Variants in RIMS1 observed in about 807,000 individuals in gnomAD.
RIMS1 encodes the protein regulating synaptic membrane exocytosis 1.
A neutral mutation model predicts 214.1 loss-of-function variants in RIMS1; 83 were observed. The observed-to-expected ratio is 0.39, with a 90% CI of 0.32 to 0.47. The LOEUF is 0.47. Ranked by LOEUF, RIMS1 falls within the 20% of genes least tolerant of loss-of-function variation. The pLI, the probability that RIMS1 is intolerant of heterozygous loss-of-function variation, is 0.99. For synonymous variants in RIMS1, 793 were observed against 786.8 expected (o/e 1.01, Z -0.13); for missense variants, 2,050 against 2,161.8 (o/e 0.95, Z 1.03).
At chr6:72,379,146 T>C (rs1487287950) in intron 29 of RIMS1, among the ~76,000 whole-genome samples, 2 of 152,252 alleles carry the variant, frequency 1.3e-5, no homozygotes, top group South Asian at 2.1e-4. Context: ...ATTTAGAATA[T>C]TATCTTCTGT....
chr6:72,184,013 ACTGTAATAATTT>A (rs2048751895), intron 6 of RIMS1, among the ~76,000 whole-genome samples: 1 of 152,232 alleles, frequency 6.6e-6, no homozygotes, highest in Non-Finnish European at 1.5e-5. Flanking sequence ...ATACTGTATT[ACTGTAATAATTT>A]CCTTAGCCTC....
chr6:71,938,304 T>C (rs1785042140), intron 1 of RIMS1, among the ~76,000 whole-genome samples: 1 of 152,152 alleles, frequency 6.6e-6, no homozygotes, highest in Admixed American at 6.5e-5. Context: ...TGAGGTGGCC[T>C]TGCTTTCATG....
At chr6:71,938,060 A>C (rs1398938552) in intron 1 of RIMS1, among the ~76,000 whole-genome samples, 1 of 152,228 alleles carries the variant, frequency 6.6e-6, no homozygotes, top group Non-Finnish European at 1.5e-5. Flanking sequence ...CAGCCACAGG[A>C]TAAACATTCT....
At chr6:72,277,353 G>A (rs1201203472) in intron 23 of RIMS1, among the ~76,000 whole-genome samples, 1 of 152,180 alleles carries the variant, frequency 6.6e-6, no homozygotes, top group African/African-American at 2.4e-5. Flanking sequence ...AGGCCGAGGC[G>A]GGCGGATCAT....
At chr6:72,195,535 G>A (rs2050720437) in intron 6 of RIMS1, among the ~76,000 whole-genome samples, 3 of 152,016 alleles carry the variant, frequency 2.0e-5, no homozygotes, top group Admixed American at 6.6e-5. Flanking sequence ...GTAGATTGTG[G>A]CAATATGAAT....
chr6:72,150,006 G>C (rs556685944), intron 4 of RIMS1, among the ~76,000 whole-genome samples: 1 of 152,144 alleles, frequency 6.6e-6, no homozygotes, highest in Non-Finnish European at 1.5e-5. Context: ...GAAGAATGAG[G>C]TTACACTGAC....
chr6:72,306,454 T>A (rs1272663408), intron 26 of RIMS1, among the ~76,000 whole-genome samples: 1 of 152,170 alleles, frequency 6.6e-6, no homozygotes, highest in Admixed American at 6.6e-5. Context: ...ATGCAAAATT[T>A]AAAGGCAAGG....
intron 2 of RIMS1, among the ~76,000 whole-genome samples, chr6:72,051,079 G>A (rs138077649): frequency 6.1e-4 from 93 of 152,292 alleles, no homozygotes; most frequent in African/African-American, 2.1e-3. Context: ...AGTGAAGAGA[G>A]AGTTGCCGCT....
rs1249103624 is a variant in RIMS1 at position 71,939,915 on chromosome 6, CT to C, written c.165-29067del. ...AACCAAATAGTGGTAAATGGAGCTA[CT>C]GGGCCTGGAGTTAAATACCTGCTCT... On this transcript the variant is annotated intron_variant, in intron 1 of 33. Coordinates refer to ENST00000521978, the MANE Select transcript of RIMS1 (RefSeq NM_014989.7). Among the ~76,000 whole-genome samples, 9 of 152,308 alleles carry C rather than the reference CT, an allele frequency of 5.9e-5. 1 individual carries two copies. The highest frequency in any genetic ancestry group is 2.1e-4 in the South Asian group (1 of 4,822).
intron 6 of RIMS1, among the ~76,000 whole-genome samples, chr6:72,229,304 C>CACTTTG (rs1347597159): frequency 6.6e-6 from 1 of 151,774 alleles, no homozygotes; most frequent in Non-Finnish European, 1.5e-5. Context: ...CTATACTAGG[C>CACTTTG]ACTTTGACAA....
At chr6:71,962,908 C>G (rs1376928483) in intron 1 of RIMS1, among the ~76,000 whole-genome samples, 2 of 152,020 alleles carry the variant, frequency 1.3e-5, no homozygotes, top group African/African-American at 2.4e-5. Flanking sequence ...TCATAGTATT[C>G]CAGTATTGCC....
At chr6:71,942,971 A>G (rs1029566879) in intron 1 of RIMS1, among the ~76,000 whole-genome samples, 1 of 152,100 alleles carries the variant, frequency 6.6e-6, no homozygotes, top group Admixed American at 6.5e-5. Context: ...GAGTACTAAA[A>G]GGGAAAGACA....
At chr6:72,131,903 C>G (rs961654233) in intron 4 of RIMS1, among the ~76,000 whole-genome samples, 2 of 152,140 alleles carry the variant, frequency 1.3e-5, no homozygotes, top group African/African-American at 4.8e-5. Context: ...ATGTTCCTTG[C>G]TGAGAAAAAC....
intron 1 of RIMS1, among the ~76,000 whole-genome samples, chr6:71,961,840 T>C (rs1163410617): frequency 1.3e-5 from 2 of 152,174 alleles, no homozygotes; most frequent in African/African-American, 4.8e-5. Flanking sequence ...TCAAAAGTTG[T>C]GTTGGATTTG....
chr6:72,401,889 T>G lies in RIMS1; in HGVS notation c.*1175T>G, dbSNP rs146920082. ...ATTTTAGTTTACATTTCTTTGAGAT[T>G]GATGCAAGCACAAAGCTTGATTTTT... On this transcript the variant is annotated 3_prime_UTR_variant, in exon 34 of 34. Transcript: ENST00000521978. The G allele has an allele frequency of 6.2e-4, 95 of 152,792 alleles. No homozygotes were observed. Among genetic ancestry groups the G allele is most frequent in the African/African-American group, 2.3e-3 (94 of 41,588 alleles). 9.5% of individuals were successfully genotyped at this position (152,792 alleles called of 1,614,324 possible). A position where few individuals can be genotyped will look rare whatever the true frequency, so the allele number is the denominator to read the frequency against.
chr6:71,965,573 G>A lies in RIMS1; in HGVS notation c.165-3410G>A, dbSNP rs1290293808. 2.0e-5 allele frequency among the ~76,000 whole-genome samples: 3 copies of A among 152,206 alleles called. No individual in the cohort carries two copies. In the South Asian group the frequency reaches 6.2e-4, roughly 32 times the overall value. On this transcript the variant is annotated intron_variant, in intron 1 of 33. Transcript: ENST00000521978. ...AGTGGGCAGTTGGCAACCATTCATCGCATTGATTGCAGTCATTCATAAAAC... is the reference window on the plus strand; with the variant it reads ...AGTGGGCAGTTGGCAACCATTCATCACATTGATTGCAGTCATTCATAAAAC...
At chr6:72,260,397 T>C (rs996126869) in intron 18 of RIMS1, among the ~76,000 whole-genome samples, 1 of 152,116 alleles carries the variant, frequency 6.6e-6, no homozygotes, top group Non-Finnish European at 1.5e-5. Flanking sequence ...CAGTTGTCTA[T>C]AATTGGAAAC....
intron 19 of RIMS1, chr6:72,263,720 G>A (rs1161260097): frequency 1.0e-6 from 1 of 984,958 alleles, no homozygotes; most frequent in Non-Finnish European, 1.2e-6. Flanking sequence ...TACTTAATAA[G>A]GAGGAAGCTG....
intron 29 of RIMS1, among the ~76,000 whole-genome samples, chr6:72,383,521 C>T (rs1386434742): frequency 6.6e-6 from 1 of 151,268 alleles, no homozygotes; most frequent in Non-Finnish European, 1.5e-5. Context: ...TGCCTGTAAT[C>T]CCAGCACTTT....
Sources: gnomAD v4.1 joint callset for allele counts (sites outside exome capture counted in the v4.1 genomes callset) on GRCh38, gnomAD v4.1.1 for gene constraint, MANE v1.5 for transcripts, NCBI Gene and HGNC (gene_info 2026-07-23, HGNC 2026-07-21) for gene names.